RABEP1: variants seen among roughly 807,000 people sequenced by gnomAD.
The protein encoded by RABEP1 is rabaptin, RAB GTPase binding effector protein 1, also known as rab GTPase-binding effector protein 1.
In RABEP1, 51 loss-of-function variants were observed where a neutral mutation model predicts 123.4. That is an observed-to-expected ratio of 0.41 (90% CI 0.33 to 0.52). The LOEUF is 0.52. RABEP1 is among the 20% of genes least tolerant of loss of function. The pLI is 0.16. For synonymous variants in RABEP1, 347 were observed against 355.2 expected (o/e 0.98, Z 0.26); for missense variants, 888 against 996.3 (o/e 0.89, Z 1.46).
At chr17:5,283,497 T>C (rs531474679) in intron 1 of RABEP1, among the ~76,000 whole-genome samples, 23 of 152,266 alleles carry the variant, frequency 1.5e-4, no homozygotes, top group African/African-American at 5.5e-4. Context: ...TTGGAAATAG[T>C]GTGCTTGGGC....
chr17:5,319,977 A>G (rs757375007), intron 2 of RABEP1, among the ~76,000 whole-genome samples: 1 of 152,226 alleles, frequency 6.6e-6, no homozygotes, highest in Non-Finnish European at 1.5e-5. Context: ...AAGAAATAGC[A>G]GAAAACTCTC....
At chr17:5,334,808 G>A (rs1274875777) in intron 3 of RABEP1, among the ~76,000 whole-genome samples, 3 of 152,112 alleles carry the variant, frequency 2.0e-5, no homozygotes, top group Non-Finnish European at 4.4e-5. Context: ...GGATTGGGGC[G>A]ACATGTTATA....
rs547800640 is a variant in RABEP1 at position 5,316,101 on chromosome 17, T to C, written c.163+7279T>C. Among the ~76,000 whole-genome samples the C allele has an allele frequency of 6.6e-5, 10 of 152,172 alleles. No homozygotes were observed. The South Asian group carries it at 2.1e-3, about 32-fold the overall frequency. ...AAATTATGTAAGAGTGAGGGCAAAA[T>C]AGATATTTTAGGCATATAAAAACTA... On this transcript the variant is annotated intron_variant, in intron 2 of 17. Transcript: ENST00000537505.
chr17:5,300,420 T>C (rs551458874), intron 1 of RABEP1, among the ~76,000 whole-genome samples: 27 of 152,324 alleles, frequency 1.8e-4, no homozygotes, highest in African/African-American at 5.8e-4. Context: ...GTTTTCTTTG[T>C]GTCACATCAA....
At chr17:5,330,929 T>G (rs1309486245) in intron 2 of RABEP1, among the ~76,000 whole-genome samples, 2 of 150,028 alleles carry the variant, frequency 1.3e-5, no homozygotes, top group South Asian at 2.1e-4. Flanking sequence ...GAGGCTGAGG[T>G]GGGGGGATCG....
chr17:5,373,731 C>G (rs909845640), intron 13 of RABEP1, among the ~76,000 whole-genome samples: 2 of 140,530 alleles, frequency 1.4e-5, no homozygotes, highest in African/African-American at 5.3e-5. Flanking sequence ...CACACACACA[C>G]ACACACGAAA....
chr17:5,310,919 T>C (rs1016773857), intron 2 of RABEP1, among the ~76,000 whole-genome samples: 4 of 151,322 alleles, frequency 2.6e-5, no homozygotes, highest in Non-Finnish European at 5.9e-5. Context: ...AAGCGACTCT[T>C]GTGCCTTAGC....
intron 13 of RABEP1, among the ~76,000 whole-genome samples, chr17:5,374,706 C>T (rs1344483494): frequency 6.6e-6 from 1 of 152,140 alleles, no homozygotes; most frequent in East Asian, 1.9e-4. Context: ...GTGGCGCAAC[C>T]TAGGCTTACT....
At chr17:5,354,057 G>T (rs1908797099) in intron 7 of RABEP1, among the ~76,000 whole-genome samples, 1 of 151,874 alleles carries the variant, frequency 6.6e-6, no homozygotes, top group Admixed American at 6.6e-5. Context: ...TTTTTTTCAA[G>T]GATCATTTGA....
Position 5,308,790 on chromosome 17 carries a change from C to A in RABEP1, c.131C>A (p.Ala44Glu), listed in dbSNP as rs755802964. ...QLEQEFNQKR[A>E]KFKELYLAKE... ...GAACAAGAATTTAATCAAAAGAGAG[C>A]AAAATTTAAGGAGTTATATTTGGCT... is the stretch of plus-strand genomic sequence containing the variant. The change falls in exon 2 of 18, where the codon GCA becomes GAA. Residue 44 changes from alanine to glutamate, a missense_variant. Ala to Glu is a moderately radical substitution (Grantham distance 107, BLOSUM62 -1). Transcript: ENST00000537505. The A allele has an allele frequency of 2.5e-6, 4 of 1,610,060 alleles. No individual in the cohort carries two copies. Among genetic ancestry groups the A allele is most frequent in the Non-Finnish European group, 3.4e-6 (4 of 1,177,502 alleles).
At chr17:5,375,182 T>A (rs1033803349) in intron 13 of RABEP1, among the ~76,000 whole-genome samples, 2 of 151,828 alleles carry the variant, frequency 1.3e-5, no homozygotes, top group African/African-American at 4.8e-5. Flanking sequence ...TCAATCTCTA[T>A]AATTTGGACC....
intron 6 of RABEP1, among the ~76,000 whole-genome samples, chr17:5,348,270 C>T (rs1448640426): frequency 1.3e-5 from 2 of 152,214 alleles, no homozygotes; most frequent in Non-Finnish European, 2.9e-5. Flanking sequence ...TGAGCCACCA[C>T]GCCCAGCCCA....
At chr17:5,324,038 C>T (rs924885224) in intron 2 of RABEP1, among the ~76,000 whole-genome samples, 1 of 151,804 alleles carries the variant, frequency 6.6e-6, no homozygotes, top group Admixed American at 6.6e-5. Flanking sequence ...AGATTCAATA[C>T]AAATCCTATC....
chr17:5,291,410 T>TA lies in RABEP1; in HGVS notation c.34+8898dup, dbSNP rs71370060. On this transcript the variant is annotated intron_variant, in intron 1 of 17. Coordinates refer to ENST00000537505, the MANE Select transcript of RABEP1 (RefSeq NM_004703.6). ...CCGGGCGACAGTGCGAGACTCCGTT[T>TA]AAAAAAAAGAAAACTAGACTTACAC... 1.2e-4 allele frequency among the ~76,000 whole-genome samples: 19 copies of TA among 152,138 alleles called. 1 individual carries two copies. In the South Asian group the frequency reaches 3.7e-3, roughly 30 times the overall value.
chr17:5,288,555 T>C (rs996199438), intron 1 of RABEP1, among the ~76,000 whole-genome samples: 1 of 150,246 alleles, frequency 6.7e-6, no homozygotes, highest in Non-Finnish European at 1.5e-5. Flanking sequence ...GCTGCCATGC[T>C]CGGCTAATTT....
chr17:5,370,500 G>A (rs1054313812), intron 12 of RABEP1, among the ~76,000 whole-genome samples: 4 of 151,982 alleles, frequency 2.6e-5, no homozygotes, highest in Non-Finnish European at 4.4e-5. Context: ...TTGCCATGTC[G>A]CTTTAGTCAC....
At chr17:5,353,096 C>G (rs1908705846) in intron 7 of RABEP1, among the ~76,000 whole-genome samples, 1 of 152,182 alleles carries the variant, frequency 6.6e-6, no homozygotes, top group Admixed American at 6.5e-5. Context: ...AGTCTAAGTG[C>G]TTACTCACCA....
chr17:5,302,021 T>C (rs1231457984), intron 1 of RABEP1, among the ~76,000 whole-genome samples: 4 of 152,114 alleles, frequency 2.6e-5, no homozygotes, highest in African/African-American at 9.7e-5. Context: ...TATGCTGGTT[T>C]TGTGTTTAGA....
intron 1 of RABEP1, among the ~76,000 whole-genome samples, chr17:5,292,126 C>T (rs1276603977): frequency 6.6e-6 from 1 of 152,118 alleles, no homozygotes; most frequent in Non-Finnish European, 1.5e-5. Flanking sequence ...TTCTAGTTTA[C>T]ATTTCTTCTT....
Sources: gnomAD v4.1 joint callset for allele counts (sites outside exome capture counted in the v4.1 genomes callset) on GRCh38, gnomAD v4.1.1 for gene constraint, MANE v1.5 for transcripts, NCBI Gene and HGNC (gene_info 2026-07-23, HGNC 2026-07-21) for gene names.